Variants in ROR1 observed in about 807,000 individuals in gnomAD.
ROR1 encodes the protein ROR family WNT receptor 1, also known as inactive tyrosine-protein kinase transmembrane receptor ROR1.
Under a neutral mutation model 78.8 loss-of-function variants are expected in ROR1, and 19 were observed. The ratio of observed to expected loss-of-function variants is 0.24; its 90% CI spans 0.17 to 0.35. The LOEUF (loss-of-function observed/expected upper bound fraction) is 0.35. Ranked by LOEUF, ROR1 falls within the 10% of genes least tolerant of loss-of-function variation. The pLI, the probability that ROR1 is intolerant of heterozygous loss-of-function variation, is 1.00. For missense variants in ROR1, 917 were observed against 1,177.8 expected (o/e 0.78, Z 3.24); for synonymous variants, 386 against 433.6 (o/e 0.89, Z 1.36).
intron 1 of ROR1, among the ~76,000 whole-genome samples, chr1:63,951,712 C>G (rs937927419): frequency 1.3e-5 from 2 of 152,120 alleles, no homozygotes; most frequent in Non-Finnish European, 2.9e-5. Context: ...AAAGACACCC[C>G]CCCCTCACCA....
chr1:63,915,019 C>A (rs1645598564), intron 1 of ROR1, among the ~76,000 whole-genome samples: 1 of 152,132 alleles, frequency 6.6e-6, no homozygotes, highest in African/African-American at 2.4e-5. Flanking sequence ...TCATAGCTAC[C>A]CTTTATTGAA....
intron 8 of ROR1, among the ~76,000 whole-genome samples, chr1:64,165,937 C>G (rs140151256): frequency 0.014 from 2,141 of 152,198 alleles, 47 homozygotes; most frequent in African/African-American, 0.048. Context: ...AACTCCTGGC[C>G]TCAAGTGATT....
At chr1:63,972,724 G>C (rs1646128525) in intron 1 of ROR1, among the ~76,000 whole-genome samples, 1 of 152,136 alleles carries the variant, frequency 6.6e-6, no homozygotes, top group African/African-American at 2.4e-5. Context: ...GGGGACTCTT[G>C]CTAACTGGAC....
At chr1:63,993,361 A>G (rs780412044) in intron 1 of ROR1, among the ~76,000 whole-genome samples, 4 of 152,222 alleles carry the variant, frequency 2.6e-5, no homozygotes, top group East Asian at 1.9e-4. Flanking sequence ...TGCACATGGT[A>G]TAGAATTTTA....
chr1:63,898,408 G>A (rs1645457919), intron 1 of ROR1, among the ~76,000 whole-genome samples: 1 of 150,904 alleles, frequency 6.6e-6, no homozygotes, highest in Non-Finnish European at 1.5e-5. Flanking sequence ...TTAAAAAAAG[G>A]AAAGAATAAA....
chr1:64,141,606 C>A (rs568919391), intron 6 of ROR1, among the ~76,000 whole-genome samples: 43 of 152,170 alleles, frequency 2.8e-4, no homozygotes, highest in Non-Finnish European at 2.5e-4. Flanking sequence ...GCCTCCATCC[C>A]CTACCCCATC....
At chr1:64,086,700 T>C (rs934349998) in intron 4 of ROR1, among the ~76,000 whole-genome samples, 4 of 152,234 alleles carry the variant, frequency 2.6e-5, no homozygotes, top group African/African-American at 9.6e-5. Flanking sequence ...TTTCACAGTC[T>C]ACCCAGCACA....
chr1:63,993,065 G>A (rs1216855608), intron 1 of ROR1, among the ~76,000 whole-genome samples: 1 of 152,158 alleles, frequency 6.6e-6, no homozygotes. Context: ...GACATGCAGC[G>A]ATACCTAAGT....
At chr1:64,071,148 G>A (rs977858623) in intron 4 of ROR1, among the ~76,000 whole-genome samples, 12 of 152,300 alleles carry the variant, frequency 7.9e-5, no homozygotes, top group African/African-American at 2.2e-4. Flanking sequence ...TTAGAAAGGC[G>A]AGCAGGAGCT....
chr1:63,886,024 G>A (rs1215489039), intron 1 of ROR1, among the ~76,000 whole-genome samples: 1 of 152,128 alleles, frequency 6.6e-6, no homozygotes, highest in Non-Finnish European at 1.5e-5. Context: ...GATCCCATCT[G>A]GGGTGATGGG....
intron 1 of ROR1, among the ~76,000 whole-genome samples, chr1:63,869,371 C>T (rs1301730880): frequency 6.6e-6 from 1 of 152,174 alleles, no homozygotes; most frequent in East Asian, 1.9e-4. Context: ...TCCACACTGG[C>T]CTGCAGCTCA....
At chr1:63,892,851 G>T (rs967418445) in intron 1 of ROR1, among the ~76,000 whole-genome samples, 6 of 152,158 alleles carry the variant, frequency 3.9e-5, no homozygotes, top group African/African-American at 1.4e-4. Flanking sequence ...AAGGGCAATA[G>T]GGGTGACAGG....
intron 1 of ROR1, among the ~76,000 whole-genome samples, chr1:63,992,203 T>A (rs764594857): frequency 6.6e-6 from 1 of 150,884 alleles, no homozygotes; most frequent in Non-Finnish European, 1.5e-5. Flanking sequence ...ATTATTATAT[T>A]TATTTATTTA....
intron 1 of ROR1, among the ~76,000 whole-genome samples, chr1:63,799,577 G>T (rs1644783015): frequency 6.6e-6 from 1 of 151,920 alleles, no homozygotes. Flanking sequence ...CCTTCAAATT[G>T]GAAATGGATT....
intron 1 of ROR1, among the ~76,000 whole-genome samples, chr1:63,889,537 A>C (rs1389612147): frequency 6.6e-6 from 1 of 152,144 alleles, no homozygotes; most frequent in East Asian, 1.9e-4. Flanking sequence ...AACGAAGTGC[A>C]TGCAACCCTG....
intron 1 of ROR1, among the ~76,000 whole-genome samples, chr1:63,912,297 CAA>C (rs67307299): frequency 1.1e-3 from 149 of 130,816 alleles, no homozygotes; most frequent in Middle Eastern, 3.6e-3. Context: ...GACCCTATCT[CAA>C]AAAAAAAAAA....
chr1:63,969,041 A>C (rs1186618568), intron 1 of ROR1, among the ~76,000 whole-genome samples: 1 of 152,180 alleles, frequency 6.6e-6, no homozygotes, highest in Non-Finnish European at 1.5e-5. Context: ...CTAAGCCTGC[A>C]GGGGGGTGTG....
At chr1:63,871,268 G>A (rs913214970) in intron 1 of ROR1, among the ~76,000 whole-genome samples, 2 of 152,148 alleles carry the variant, frequency 1.3e-5, no homozygotes, top group African/African-American at 4.8e-5. Context: ...ATGACAGATG[G>A]AGTCTTTGAA....
intron 1 of ROR1, among the ~76,000 whole-genome samples, chr1:63,983,367 G>C (rs1287652431): frequency 1.3e-5 from 2 of 152,184 alleles, no homozygotes; most frequent in Non-Finnish European, 2.9e-5. Context: ...TTGGTCTTGA[G>C]AATGGGGAGG....
Sources: allele counts gnomAD v4.1 joint callset (sites outside exome capture counted in the v4.1 genomes callset), GRCh38; gene constraint gnomAD v4.1.1; transcripts MANE v1.5; gene names NCBI Gene and HGNC (gene_info 2026-07-23, HGNC 2026-07-21).